GPC6: variants seen among roughly 807,000 people sequenced by gnomAD.
GPC6 encodes the protein glypican-6.
A neutral mutation model predicts 55.2 loss-of-function variants in GPC6; 14 were observed. That is an observed-to-expected ratio of 0.25 (90% CI 0.17 to 0.40). The LOEUF (loss-of-function observed/expected upper bound fraction) is 0.40, where lower values mean the gene tolerates loss of function less well. Ranked by LOEUF, GPC6 falls within the 10% of genes least tolerant of loss-of-function variation. The probability of loss-of-function intolerance (pLI) is 1.00; values close to 1 mark genes in which losing one functional copy is unlikely to be tolerated. For missense variants in GPC6, 641 were observed against 708.5 expected (o/e 0.90, Z 1.08); for synonymous variants, 278 against 259.6 (o/e 1.07, Z -0.68).
rs541579095 is a variant in GPC6 at position 94,017,331 on chromosome 13, G to A, written c.712-10398G>A. 5.9e-5 allele frequency among the ~76,000 whole-genome samples: 9 copies of A among 152,258 alleles called. No individual in the cohort carries two copies. The South Asian group carries it at 1.9e-3, about 32-fold the overall frequency. On this transcript the variant is annotated intron_variant, in intron 3 of 8. Transcript: ENST00000377047. ...TACTGCCATGAAGAAGTATGACTGG[G>A]TAATTTATAAAGGAAAGAGGTTTAA...
intron 3 of GPC6, among the ~76,000 whole-genome samples, chr13:93,836,956 C>A (rs1252361602): frequency 6.6e-6 from 1 of 152,072 alleles, no homozygotes; most frequent in Non-Finnish European, 1.5e-5. Flanking sequence ...AGTTGAGTCT[C>A]CAGCAGTAAG....
chr13:93,349,895 G>A (rs8002965), intron 1 of GPC6, among the ~76,000 whole-genome samples: 48,819 of 152,016 alleles, frequency 0.32, 9,063 homozygotes, highest in East Asian at 0.79. Context: ...CATTAGGCAA[G>A]CCTATAATTT....
intron 6 of GPC6, among the ~76,000 whole-genome samples, chr13:94,380,730 A>T (rs565147837): frequency 6.6e-6 from 1 of 152,294 alleles, no homozygotes; most frequent in Non-Finnish European, 1.5e-5. Flanking sequence ...ACATAATACT[A>T]TTATCTAATA....
chr13:93,363,494 A>G (rs971448069), intron 1 of GPC6, among the ~76,000 whole-genome samples: 3 of 151,972 alleles, frequency 2.0e-5, no homozygotes, highest in African/African-American at 7.2e-5. Flanking sequence ...ATAGTATTCC[A>G]TGGTGTATAT....
chr13:94,162,666 C>T (rs1009883308), intron 4 of GPC6, among the ~76,000 whole-genome samples: 1 of 152,034 alleles, frequency 6.6e-6, no homozygotes, highest in African/African-American at 2.4e-5. Context: ...TAGTCATCTA[C>T]TTGGATGTTA....
At chr13:94,368,147 C>CA (rs5805859) in intron 6 of GPC6, among the ~76,000 whole-genome samples, 25,416 of 85,458 alleles carry the variant, frequency 0.3, 3,276 homozygotes, top group Admixed American at 0.32. Flanking sequence ...GACTCTGTCT[C>CA]AAAAAAAAAA....
intron 4 of GPC6, among the ~76,000 whole-genome samples, chr13:94,074,541 A>G (rs75507609): frequency 0.017 from 2,556 of 152,282 alleles, 56 homozygotes; most frequent in South Asian, 0.051. Flanking sequence ...TTGTTCTTAC[A>G]CTAGCAAATA....
intron 2 of GPC6, among the ~76,000 whole-genome samples, chr13:93,798,250 A>G (rs544960582): frequency 1.2e-3 from 178 of 152,260 alleles, no homozygotes; most frequent in Middle Eastern, 3.4e-3. Flanking sequence ...TTAAAGTTGT[A>G]TTTTCTAATT....
At chr13:93,291,277 G>A (rs948880452) in intron 1 of GPC6, among the ~76,000 whole-genome samples, 1 of 152,094 alleles carries the variant, frequency 6.6e-6, no homozygotes, top group African/African-American at 2.4e-5. Context: ...CTTAGTGCTG[G>A]CAGTATGAGT....
intron 1 of GPC6, among the ~76,000 whole-genome samples, chr13:93,433,794 T>G (rs1042869284): frequency 6.6e-6 from 1 of 152,140 alleles, no homozygotes; most frequent in Non-Finnish European, 1.5e-5. Flanking sequence ...TAACATAGTC[T>G]TTGCCTTACC....
chr13:93,389,848 G>A (rs1032293101), intron 1 of GPC6, among the ~76,000 whole-genome samples: 15 of 152,030 alleles, frequency 9.9e-5, no homozygotes, highest in African/African-American at 3.4e-4. Context: ...GGATGGGAAT[G>A]TTTTTTACAT....
rs769581921 is a variant in GPC6 at position 94,027,855 on chromosome 13, A to C, written c.838A>C (p.Asn280His). The C allele has an allele frequency of 1.2e-6, 2 of 1,614,128 alleles. No individual in the cohort carries two copies. The highest frequency in any genetic ancestry group is 1.7e-5 in the Admixed American group (1 of 59,998). The part of the protein sequence containing the change: ...CLNVMKGCLA[N>H]QADLDTEWNL... ...CAACGTCATGAAGGGCTGCTTGGCA[A>C]ATCAGGCTGACCTCGACACAGAGTG... Residue 280 changes from asparagine (N) to histidine (H), a missense_variant, in exon 4 of 9, where the codon AAT (asparagine) becomes CAT (histidine). Asn to His is a moderately conservative substitution (Grantham distance 68, BLOSUM62 1). Transcript: ENST00000377047.
chr13:93,886,292 A>T (rs1373629850), intron 3 of GPC6, among the ~76,000 whole-genome samples: 1 of 152,042 alleles, frequency 6.6e-6, no homozygotes, highest in African/African-American at 2.4e-5. Context: ...AGGCCCAAAA[A>T]ATCCAAGCTA....
chr13:93,924,696 CTT>C lies in GPC6; in HGVS notation c.711+94166_711+94167del, dbSNP rs10710851. Among the ~76,000 whole-genome samples the C allele has an allele frequency of 6.1e-3, 783 of 128,544 alleles. 5 individuals are homozygous for C. The highest frequency in any genetic ancestry group is 0.018 in the African/African-American group (643 of 35,328). 84.3% of individuals were successfully genotyped at this position (128,544 alleles called of 152,430 possible). On this transcript the variant is annotated intron_variant, in intron 3 of 8. Coordinates refer to ENST00000377047, the MANE Select transcript of GPC6 (RefSeq NM_005708.5). ...TTCTTTTATCTTTTTTCTTTCTTTT[CTT>C]TTTTTTTTTTTTTTGGTAACAAATT...
chr13:93,322,824 A>G (rs191139366), intron 1 of GPC6, among the ~76,000 whole-genome samples: 1 of 152,138 alleles, frequency 6.6e-6, no homozygotes, highest in East Asian at 1.9e-4. Flanking sequence ...GTTCTGGGGT[A>G]TATGTGCAGA....
chr13:93,490,488 G>GTTGTT (rs1879931939), intron 1 of GPC6, among the ~76,000 whole-genome samples: 1 of 34,868 alleles, frequency 2.9e-5, no homozygotes, highest in Non-Finnish European at 6.3e-5. Context: ...CAACTTGAGT[G>GTTGTT]ATTTTTTTTT....
At chr13:94,136,499 AG>A (rs745640170) in intron 4 of GPC6, among the ~76,000 whole-genome samples, 14 of 152,210 alleles carry the variant, frequency 9.2e-5, no homozygotes, top group Admixed American at 2.0e-4. Context: ...TCACGAGGTC[AG>A]GAGATCGAGA....
intron 4 of GPC6, among the ~76,000 whole-genome samples, chr13:94,096,075 A>G (rs74109600): frequency 0.013 from 1,923 of 152,240 alleles, 45 homozygotes; most frequent in South Asian, 0.065. Flanking sequence ...TCTTCCTAAA[A>G]TTTTTCACTT....
chr13:93,316,552 G>C (rs1431470516), intron 1 of GPC6, among the ~76,000 whole-genome samples: 2 of 152,002 alleles, frequency 1.3e-5, no homozygotes, highest in East Asian at 3.8e-4. Context: ...AATGATGAGA[G>C]TGTTTATACT....
Sources: gnomAD v4.1 joint callset for allele counts (sites outside exome capture counted in the v4.1 genomes callset) on GRCh38, gnomAD v4.1.1 for gene constraint, MANE v1.5 for transcripts, NCBI Gene and HGNC (gene_info 2026-07-23, HGNC 2026-07-21) for gene names.